SORBS2: variants seen among roughly 807,000 people sequenced by gnomAD.
The protein encoded by SORBS2 is sorbin and SH3 domain containing 2.
A neutral mutation model predicts 97.7 loss-of-function variants in SORBS2; 46 were observed. The ratio of observed to expected loss-of-function variants is 0.47; its 90% CI spans 0.37 to 0.60. The LOEUF (loss-of-function observed/expected upper bound fraction) is 0.60. SORBS2 is among the 20% of genes least tolerant of loss of function. The pLI is 0.00. For synonymous variants in SORBS2, 476 were observed against 473.4 expected, an observed-to-expected ratio of 1.01 and a Z score of -0.07; for missense variants, 1,316 against 1,282.3, an observed-to-expected ratio of 1.03 and a Z score of -0.40.
At chr4:185,721,391 C>T (rs2098513615) in intron 2 of SORBS2, among the ~76,000 whole-genome samples, 1 of 152,168 alleles carries the variant, frequency 6.6e-6, no homozygotes, top group Non-Finnish European at 1.5e-5. Flanking sequence ...TACTCTTTAA[C>T]TATGACAGAT....
chr4:185,601,498 C>T (rs1459506756), intron 12 of SORBS2, among the ~76,000 whole-genome samples: 2 of 152,290 alleles, frequency 1.3e-5, no homozygotes, highest in East Asian at 1.9e-4. Flanking sequence ...TGGCGATGAG[C>T]CCACATCAGA....
At chr4:185,952,400 C>T (rs974657102) in intron 1 of SORBS2, among the ~76,000 whole-genome samples, 2 of 152,206 alleles carry the variant, frequency 1.3e-5, no homozygotes. Flanking sequence ...GTACTGAGGC[C>T]TGGGCCAGTA....
At position 185,822,850 on chromosome 4, in the gene SORBS2, T is replaced by C. The variant is rs2099197600; in HGVS notation, c.-337-47484A>G. Among the ~76,000 whole-genome samples, 4 of 152,334 alleles carry C rather than the reference T, an allele frequency of 2.6e-5. No individual in the cohort carries two copies. In the South Asian group the frequency reaches 8.3e-4, roughly 32 times the overall value. On this transcript the variant is annotated intron_variant, in intron 1 of 20. Transcript: ENST00000284776. ...ACGCCGGGAGTATAAAGATTTTACA[T>C]TTTAAGCTAGAATTTTCCAATTATG...
chr4:185,949,458 A>T (rs1579637944), intron 1 of SORBS2, among the ~76,000 whole-genome samples: 2 of 152,276 alleles, frequency 1.3e-5, no homozygotes, highest in South Asian at 4.1e-4. Flanking sequence ...CTTCATTCAC[A>T]TAAAAATCAA....
At chr4:185,886,160 C>T (rs369417398) in intron 1 of SORBS2, among the ~76,000 whole-genome samples, 2 of 152,134 alleles carry the variant, frequency 1.3e-5, no homozygotes, top group Admixed American at 6.5e-5. Flanking sequence ...GACTTGTTCC[C>T]GGACTGTCCA....
At chr4:185,700,734 G>T (rs745574428) in intron 2 of SORBS2, among the ~76,000 whole-genome samples, 1 of 152,142 alleles carries the variant, frequency 6.6e-6, no homozygotes, top group Non-Finnish European at 1.5e-5. Flanking sequence ...TAAGACTTCA[G>T]AACTGTACAA....
At chr4:185,940,887 G>A (rs1415113721) in intron 1 of SORBS2, among the ~76,000 whole-genome samples, 1 of 152,084 alleles carries the variant, frequency 6.6e-6, no homozygotes, top group Admixed American at 6.6e-5. Flanking sequence ...TTTCAGTCAG[G>A]AGAGACTTTT....
chr4:185,721,682 G>C (rs1374958006), intron 2 of SORBS2, among the ~76,000 whole-genome samples: 3 of 152,202 alleles, frequency 2.0e-5, no homozygotes, highest in Non-Finnish European at 4.4e-5. Flanking sequence ...TAAAGTGGAA[G>C]AAGAAAATAC....
intron 4 of SORBS2, among the ~76,000 whole-genome samples, chr4:185,674,485 T>C (rs2097764832): frequency 6.6e-6 from 1 of 152,172 alleles, no homozygotes; most frequent in Non-Finnish European, 1.5e-5. Flanking sequence ...GATCTCCTCC[T>C]TGCCCCACTA....
chr4:185,911,037 A>C (rs919724364), intron 1 of SORBS2, among the ~76,000 whole-genome samples: 10 of 152,180 alleles, frequency 6.6e-5, no homozygotes, highest in African/African-American at 2.2e-4. Context: ...TAACCTCACA[A>C]AGCAGGTGTT....
chr4:185,887,004 C>A lies in SORBS2; in HGVS notation c.-338+69192G>T, dbSNP rs1477492087. Reference sequence around the variant, plus strand: ...TGGCCAAAGAGGAAGGACCTTCCAGCCAGTTTGAAGACAGAATAGGCTGCC... The same window carrying A: ...TGGCCAAAGAGGAAGGACCTTCCAGACAGTTTGAAGACAGAATAGGCTGCC... On this transcript the variant is annotated intron_variant, in intron 1 of 20. Transcript: ENST00000284776. 5.9e-5 allele frequency among the ~76,000 whole-genome samples: 9 copies of A among 152,284 alleles called. No homozygotes were observed. In the East Asian group the frequency reaches 1.7e-3, roughly 29 times the overall value.
chr4:185,619,141 G>A (rs139768117), intron 8 of SORBS2, among the ~76,000 whole-genome samples: 92 of 152,298 alleles, frequency 6.0e-4, no homozygotes, highest in South Asian at 5.4e-3. Flanking sequence ...AAGTATAGGT[G>A]TGATCATCTT....
At chr4:185,834,099 A>C (rs1018673752) in intron 1 of SORBS2, among the ~76,000 whole-genome samples, 19 of 152,196 alleles carry the variant, frequency 1.2e-4, no homozygotes, top group Non-Finnish European at 2.6e-4. Context: ...ACAAAGTATA[A>C]AATATATACA....
intron 1 of SORBS2, among the ~76,000 whole-genome samples, chr4:185,847,569 C>T (rs2099215305): frequency 6.6e-6 from 1 of 152,168 alleles, no homozygotes; most frequent in Admixed American, 6.5e-5. Flanking sequence ...AAGTCCAAGC[C>T]AGATCTCGCA....
intron 2 of SORBS2, among the ~76,000 whole-genome samples, chr4:185,699,284 CTT>C (rs11435144): frequency 2.9e-4 from 33 of 112,556 alleles, no homozygotes; most frequent in Admixed American, 1.6e-3. Context: ...TGAAATGTAC[CTT>C]TTTTTTTTTT....
chr4:185,769,542 G>A (rs2098957083), intron 2 of SORBS2, among the ~76,000 whole-genome samples: 1 of 152,206 alleles, frequency 6.6e-6, no homozygotes, highest in Non-Finnish European at 1.5e-5. Context: ...CCAGGCTGGA[G>A]TGCAATGACA....
chr4:185,888,106 G>T (rs2099240643), intron 1 of SORBS2, among the ~76,000 whole-genome samples: 1 of 149,668 alleles, frequency 6.7e-6, no homozygotes, highest in East Asian at 1.9e-4. Context: ...TCAATATATT[G>T]CCTGTCCCAA....
intron 4 of SORBS2, among the ~76,000 whole-genome samples, chr4:185,665,177 T>G (rs1331294241): frequency 6.6e-6 from 1 of 152,202 alleles, no homozygotes; most frequent in Non-Finnish European, 1.5e-5. Flanking sequence ...GCTAAATTTC[T>G]GAAAGGTAGA....
At chr4:185,906,242 A>G (rs2099250758) in intron 1 of SORBS2, among the ~76,000 whole-genome samples, 1 of 152,192 alleles carries the variant, frequency 6.6e-6, no homozygotes, top group East Asian at 1.9e-4. Flanking sequence ...CTTGTTGCTC[A>G]GGCTGGTCTC....
Sources: gnomAD v4.1 joint callset for allele counts (sites outside exome capture counted in the v4.1 genomes callset) on GRCh38, gnomAD v4.1.1 for gene constraint, MANE v1.5 for transcripts, NCBI Gene and HGNC (gene_info 2026-07-23, HGNC 2026-07-21) for gene names.